Variants in ANK3 observed in about 807,000 individuals in gnomAD.
ANK3 encodes ankyrin-3.
In ANK3, 57 loss-of-function variants were observed where a neutral mutation model predicts 370.9. The ratio of observed to expected loss-of-function variants is 0.15; its 90% confidence interval spans 0.12 to 0.19. The LOEUF (loss-of-function observed/expected upper bound fraction) is 0.19, where lower values mean the gene tolerates loss of function less well. Ranked by LOEUF, ANK3 falls within the 10% of genes least tolerant of loss-of-function variation. The probability of loss-of-function intolerance (pLI) is 1.00; values close to 1 mark genes in which losing one functional copy is unlikely to be tolerated. For missense variants in ANK3, 4,439 were observed against 5,302.1 expected (o/e 0.84, Z 5.06); for synonymous variants, 1,929 against 1,946.3 (o/e 0.99, Z 0.23).
chr10:60,454,541 A>C (rs1186563224), intron 2 of ANK3, among the ~76,000 whole-genome samples: 1 of 152,112 alleles, frequency 6.6e-6, no homozygotes, highest in African/African-American at 2.4e-5. Context: ...GAAGAAGGCC[A>C]GGACAGTCAG....
intron 2 of ANK3, among the ~76,000 whole-genome samples, chr10:60,571,504 G>A (rs1212962764): frequency 6.6e-6 from 1 of 152,206 alleles, no homozygotes; most frequent in Non-Finnish European, 1.5e-5. Context: ...GCATTTTAAA[G>A]AGGTAAAATT....
chr10:60,395,621 TC>T (rs2063217855), intron 2 of ANK3, among the ~76,000 whole-genome samples: 1 of 26,050 alleles, frequency 3.8e-5, no homozygotes, highest in African/African-American at 1.6e-4. Context: ...TCTTTCGTTC[TC>T]TCTCTCTCTC....
At chr10:60,048,174 T>C (rs1307736380) in intron 42 of ANK3, among the ~76,000 whole-genome samples, 2 of 152,152 alleles carry the variant, frequency 1.3e-5, no homozygotes, top group African/African-American at 2.4e-5. Context: ...CAGAGCTAGC[T>C]CTGGGAGGGA....
chr10:60,082,017 C>T, intron 35 of ANK3, 133 bp downstream of exon 35: 1 of 595,758 alleles, frequency 1.7e-6, no homozygotes, highest in Non-Finnish European at 2.8e-6. Flanking sequence ...AAAATATATA[C>T]CCTTTTACCT....
In ANK3 at chr10:60,240,028, T is replaced by C. The variant is rs200711412; in HGVS notation, c.799-5242A>G. On this transcript the variant is annotated intron_variant, in intron 7 of 43. Transcript: ENST00000280772. ...GTGAATATATACACATATATACACA[T>C]ATATATACACATATATATACATATA... Among the ~76,000 whole-genome samples the C allele has an allele frequency of 3.7e-3, 309 of 84,094 alleles. 2 individuals are homozygous for C. The highest frequency in any genetic ancestry group is 0.011 in the African/African-American group (293 of 25,724). 55.2% of individuals were successfully genotyped at this position (84,094 alleles called of 152,430 possible).
chr10:60,408,282 T>C (rs1222577133), intron 2 of ANK3, among the ~76,000 whole-genome samples: 1 of 152,260 alleles, frequency 6.6e-6, no homozygotes, highest in Middle Eastern at 3.4e-3. Context: ...TCAACCCCAG[T>C]GTTGGGGTGT....
At chr10:60,355,235 A>G (rs1240812363) in intron 1 of ANK3, among the ~76,000 whole-genome samples, 3 of 152,200 alleles carry the variant, frequency 2.0e-5, no homozygotes, top group Admixed American at 6.5e-5. Context: ...AAGATTTACA[A>G]ACCAACAAAT....
chr10:60,213,646 A>G, intron 8 of ANK3, 136 bp from the exon 9 acceptor site: 1 of 452,944 alleles, frequency 2.2e-6, no homozygotes, highest in Non-Finnish European at 3.8e-6. Flanking sequence ...TTTATTTCAT[A>G]AAATAATTCC....
chr10:60,049,611 C>T (rs994288160), intron 42 of ANK3, among the ~76,000 whole-genome samples: 2 of 152,052 alleles, frequency 1.3e-5, no homozygotes, highest in African/African-American at 2.4e-5. Flanking sequence ...GGGGAGAATA[C>T]GGACTCCCCT....
chr10:60,467,236 A>G (rs1038404425), intron 2 of ANK3, among the ~76,000 whole-genome samples: 2 of 152,206 alleles, frequency 1.3e-5, no homozygotes, highest in African/African-American at 4.8e-5. Context: ...GAAACAGAAA[A>G]TGAACAAACT....
At chr10:60,635,002 C>T (rs10458646) in intron 1 of ANK3, among the ~76,000 whole-genome samples, 17,250 of 152,168 alleles carry the variant, frequency 0.11, 1,433 homozygotes, top group East Asian at 0.27. Context: ...TGGCTTCATT[C>T]TTGAAGTCAG....
chr10:60,323,143 G>A (rs1396535752), intron 1 of ANK3, among the ~76,000 whole-genome samples: 3 of 152,074 alleles, frequency 2.0e-5, no homozygotes, highest in East Asian at 1.9e-4. Context: ...TCCAGTAAAG[G>A]GTGTATTAAC....
intron 2 of ANK3, among the ~76,000 whole-genome samples, chr10:60,430,219 G>C (rs1259800811): frequency 6.6e-6 from 1 of 152,228 alleles, no homozygotes; most frequent in Non-Finnish European, 1.5e-5. Context: ...CTGCCTGAAG[G>C]CTGAATGCCA....
chr10:60,457,062 A>T (rs1429762518), intron 2 of ANK3, among the ~76,000 whole-genome samples: 9 of 152,094 alleles, frequency 5.9e-5, no homozygotes, highest in Non-Finnish European at 1.2e-4. Flanking sequence ...AGGAAGGGGC[A>T]TATTTCTTAG....
At chr10:60,375,040 C>A (rs149626998) in intron 1 of ANK3, among the ~76,000 whole-genome samples, 5 of 152,050 alleles carry the variant, frequency 3.3e-5, no homozygotes, top group African/African-American at 1.2e-4. Flanking sequence ...CGTATATACA[C>A]GCACAGAAAA....
chr10:60,252,145 C>G (rs1488068378), intron 7 of ANK3, among the ~76,000 whole-genome samples: 1 of 152,194 alleles, frequency 6.6e-6, no homozygotes, highest in Non-Finnish European at 1.5e-5. Flanking sequence ...CTGTGCAATC[C>G]TTCAGTTCTA....
At chr10:60,149,397 T>C (rs771777907) in intron 23 of ANK3, among the ~76,000 whole-genome samples, 9 of 152,192 alleles carry the variant, frequency 5.9e-5, no homozygotes, top group Non-Finnish European at 1.2e-4. Context: ...GGTCAGACTT[T>C]TCAGGTAGAT....
chr10:60,493,385 A>G (rs543757039), intron 2 of ANK3, among the ~76,000 whole-genome samples: 53 of 152,190 alleles, frequency 3.5e-4, no homozygotes, highest in Non-Finnish European at 7.2e-4. Context: ...AAACAGTAAG[A>G]GCCCTATGGG....
Position 60,071,546 on chromosome 10 carries a change from C to T in ANK3, c.9335G>A (p.Gly3112Glu), listed in dbSNP as rs780011014. Residue 3112 changes from glycine (G) to glutamate (E), a missense_variant, in exon 37 of 44, where the codon GGA (glycine) becomes GAA (glutamate). This residue lies in a region of ANK3 where 1,601 missense variants were observed against 1,731.7 expected (regional missense o/e 0.92). Coordinates refer to ENST00000280772, the MANE Select transcript of ANK3 (RefSeq NM_020987.5). Reference sequence around the variant, plus strand: ...CTGACTTATGATTTTTTTTACACCTCCTTGTTGTATCTCCTTTTCATATTG... The same window carrying T: ...CTGACTTATGATTTTTTTTACACCTTCTTGTTGTATCTCCTTTTCATATTG... ...GKQYEKEIQQ[G>E]GVKKIISQEC... The T allele has an allele frequency of 9.9e-6, 16 of 1,614,034 alleles. No homozygotes were observed. Among genetic ancestry groups the T allele is most frequent in the African/African-American group, 1.3e-5 (1 of 74,992 alleles).
Sources: gnomAD v4.1 joint callset for allele counts (sites outside exome capture counted in the v4.1 genomes callset) on GRCh38, gnomAD v4.1.1 for gene constraint, gnomAD v4.1.1 regional missense constraint, MANE v1.5 for transcripts, NCBI Gene and HGNC (gene_info 2026-07-23, HGNC 2026-07-21) for gene names.